SCN3A: variants seen among roughly 807,000 people sequenced by gnomAD.
The protein encoded by SCN3A is sodium voltage-gated channel alpha subunit 3.
Under a neutral mutation model 187.6 loss-of-function variants are expected in SCN3A, and 60 were observed. That is an observed-to-expected ratio of 0.32 (90% confidence interval 0.26 to 0.40). SCN3A has a LOEUF of 0.40. Among genes scored for constraint, SCN3A ranks in the 10% least tolerant of loss-of-function variants. The pLI is 1.00. For synonymous variants in SCN3A, 788 were observed against 829.2 expected (o/e 0.95, Z 0.85); for missense variants, 1,601 against 2,428.2 (o/e 0.66, Z 7.16).
chr2:165,093,253 T>G (rs1685200771), intron 26 of SCN3A: 1 of 152,200 alleles, frequency 6.6e-6, no homozygotes, highest in Admixed American at 6.6e-5. Context: ...GAAATTTTGG[T>G]TTATACCTTA....
At chr2:165,160,695 T>C (rs1040073231) in intron 9 of SCN3A, among the ~76,000 whole-genome samples, 2 of 152,046 alleles carry the variant, frequency 1.3e-5, no homozygotes, top group Non-Finnish European at 1.5e-5. Flanking sequence ...GGCTGGAGTG[T>C]AGTGGTGCCA....
Position 165,137,934 on chromosome 2 carries a change from A to G in SCN3A, c.2336T>C (p.Met779Thr). The G allele has an allele frequency of 6.2e-7, 1 of 1,613,398 alleles. No homozygotes were observed. The highest frequency in any genetic ancestry group is 8.5e-7 in the Non-Finnish European group (1 of 1,179,448). ...CIVLNTLFMA[M>T]EHYPMTEQFS... ...TTGCTCAGTCATGGGGTAGTGCTCC[A>G]TGGCCATAAAGAGGGTATTTAAGAC... The change falls in exon 15 of 28, where the codon ATG (methionine) becomes ACG (threonine). Residue 779 changes from methionine to threonine, a missense_variant. Physicochemically the swap from Met to Thr is moderately conservative, Grantham distance 81 (BLOSUM62 -1). This residue lies in a region of SCN3A where 376 missense variants were observed against 476.0 expected (regional missense o/e 0.79). Transcript: ENST00000283254.
chr2:165,128,026 C>G lies in SCN3A; in HGVS notation c.2998G>C (p.Glu1000Gln). 1 of 1,613,830 alleles carries G rather than the reference C, an allele frequency of 6.2e-7. No individual in the cohort carries two copies. ...DNLAATDDDN[E>Q]MNNLQIAVGR... ...ACTGCAATCTGCAGATTATTCATTT[C>G]ATTGTCATCATCAGTAGCAGCAAGG... Residue 1000 changes from glutamate to glutamine, a missense_variant, in exon 18 of 28, where the codon GAA becomes CAA. Around this residue, in one of 11 missense-constraint regions of SCN3A, gnomAD observed 267 missense variants for 313.2 expected, o/e 0.85. Coordinates refer to ENST00000283254, the MANE Select transcript of SCN3A (RefSeq NM_006922.4).
At chr2:165,104,264 GTAAT>G (rs1292703013) in intron 21 of SCN3A, among the ~76,000 whole-genome samples, 1 of 151,890 alleles carries the variant, frequency 6.6e-6, no homozygotes, top group Non-Finnish European at 1.5e-5. Context: ...TAAATATACA[GTAAT>G]TAAAGCTGTT....
At position 165,112,930 on chromosome 2, in the gene SCN3A, T is replaced by C. The variant is rs749384720; in HGVS notation, c.3798A>G (p.Thr1266=). 3.1e-6 allele frequency: 5 copies of C among 1,613,624 alleles called. No homozygotes were observed. The highest frequency in any genetic ancestry group is 1.1e-5 in the South Asian group (1 of 91,026). The change falls in exon 21 of 28, where the codon ACA becomes ACG. Residue 1266 remains threonine (T), a synonymous_variant. Coordinates refer to ENST00000283254, the MANE Select transcript of SCN3A (RefSeq NM_006922.4). Reference sequence around the variant, plus strand: ...GCCAGCACCAGGCATTAGTGAAATATGTTTGAAATCCATAAGCAACCCATT... The same window carrying C: ...GCCAGCACCAGGCATTAGTGAAATACGTTTGAAATCCATAAGCAACCCATT... ...LLKWVAYGFQ[T]YFTNAWCWLD...
chr2:165,186,974 G>C (rs1691284832), intron 1 of SCN3A, among the ~76,000 whole-genome samples: 1 of 152,086 alleles, frequency 6.6e-6, no homozygotes, highest in South Asian at 2.1e-4. Context: ...GTTGGGACAG[G>C]GGTGCTCCCC....
intron 2 of SCN3A, among the ~76,000 whole-genome samples, chr2:165,179,861 C>A (rs967541493): frequency 2.0e-5 from 3 of 152,214 alleles, no homozygotes; most frequent in Non-Finnish European, 2.9e-5. Flanking sequence ...ACTCTGTGAG[C>A]TTATTATACA....
intron 12 of SCN3A, among the ~76,000 whole-genome samples, chr2:165,142,372 C>A (rs934204232): frequency 6.6e-6 from 1 of 152,164 alleles, no homozygotes; most frequent in African/African-American, 2.4e-5. Flanking sequence ...TGGCTTTTCC[C>A]AGACTGCAAA....
intron 11 of SCN3A, among the ~76,000 whole-genome samples, chr2:165,147,692 C>A (rs1688439387): frequency 6.6e-6 from 1 of 151,956 alleles, no homozygotes; most frequent in Non-Finnish European, 1.5e-5. Context: ...TTATAAATAA[C>A]AAATGATTAA....
chr2:165,130,339 T>A (rs1222369440), intron 16 of SCN3A, 43 bp from the exon 17 acceptor site: 1 of 1,591,506 alleles, frequency 6.3e-7, no homozygotes, highest in South Asian at 1.1e-5. Flanking sequence ...AATCATAATA[T>A]AATTTTAGAC....
chr2:165,157,362 C>T (rs564412343), intron 9 of SCN3A, among the ~76,000 whole-genome samples: 25 of 152,286 alleles, frequency 1.6e-4, no homozygotes, highest in African/African-American at 4.8e-4. Flanking sequence ...TTGAGGATTA[C>T]TGGTCAGATA....
chr2:165,091,477 C>A lies in SCN3A; in HGVS notation c.4808-132G>T, dbSNP rs538362480. On this transcript the variant is annotated intron_variant, in intron 27 of 27. Transcript: ENST00000283254. ...CCTTTATTAAATATTTGGATCCACT[C>A]CCTGACATTAGCAATTACAGATTAC... 8.2e-6 allele frequency: 9 copies of A among 1,099,194 alleles called. No individual in the cohort carries two copies. In the South Asian group the frequency reaches 1.2e-4, roughly 15 times the overall value. The allele number at this position is 1,099,194 out of a possible 1,614,324, so 68.1% of individuals were successfully genotyped here. A position where few individuals can be genotyped will look rare whatever the true frequency, so the allele number is the denominator to read the frequency against.
In SCN3A at chr2:165,176,185, T is replaced by C. The variant is rs756565581; in HGVS notation, c.210A>G (p.Pro70=). The C allele has an allele frequency of 6.2e-7, 1 of 1,613,934 alleles. No individual in the cohort carries two copies. Residue 70 remains proline (P), a synonymous_variant, in exon 3 of 28, where the codon CCA becomes CCG. Coordinates refer to ENST00000283254, the MANE Select transcript of SCN3A (RefSeq NM_006922.4). ...NLPFIYGDIP[P]EMVSEPLEDL... is the part of the protein sequence containing the mutation. ...CCTCCAGGGGCTCTGACACCATCTC[T>C]GGAGGAATGTCTCCATAAATAAATG...
At chr2:165,135,374 G>A (rs1469829651) in intron 15 of SCN3A, among the ~76,000 whole-genome samples, 1 of 151,972 alleles carries the variant, frequency 6.6e-6, no homozygotes, top group Non-Finnish European at 1.5e-5. Context: ...ATGCAAAATG[G>A]GGCATATTGA....
chr2:165,091,381 A>C, intron 27 of SCN3A, 36 bp from the exon 28 acceptor site: 1 of 1,611,826 alleles, frequency 6.2e-7, no homozygotes, highest in Non-Finnish European at 8.5e-7. Context: ...AACAGATAAT[A>C]TCTTTCACTT....
At chr2:165,178,079 A>G (rs1690582765) in intron 2 of SCN3A, among the ~76,000 whole-genome samples, 1 of 152,168 alleles carries the variant, frequency 6.6e-6, no homozygotes, top group Non-Finnish European at 1.5e-5. Context: ...TGAGCTTACA[A>G]TCAGAAGCTC....
chr2:165,114,028 A>G, intron 19 of SCN3A, 58 bp from the exon 20 acceptor site: 9 of 1,191,688 alleles, frequency 7.6e-6, no homozygotes, highest in Non-Finnish European at 1.1e-5. Flanking sequence ...AGGAAAAAAT[A>G]AACTTTCTTG....
intron 1 of SCN3A, among the ~76,000 whole-genome samples, chr2:165,189,688 A>G (rs1401382098): frequency 1.3e-5 from 2 of 152,164 alleles, no homozygotes; most frequent in African/African-American, 4.8e-5. Flanking sequence ...GCAAGTTTGT[A>G]TCCTCTTTTG....
intron 11 of SCN3A, among the ~76,000 whole-genome samples, chr2:165,148,277 A>G (rs1221740711): frequency 1.3e-5 from 2 of 152,112 alleles, no homozygotes; most frequent in East Asian, 3.9e-4. Flanking sequence ...TATAGAACTT[A>G]TATTTAACTT....
Sources: allele counts gnomAD v4.1 joint callset (sites outside exome capture counted in the v4.1 genomes callset), GRCh38; gene constraint gnomAD v4.1.1; regional missense constraint gnomAD v4.1.1; transcripts MANE v1.5; gene names NCBI Gene and HGNC (gene_info 2026-07-23, HGNC 2026-07-21).